Variants in DIAPH1 observed in about 807,000 individuals in gnomAD.
DIAPH1 encodes diaphanous related formin 1.
DIAPH1 carries 46 observed loss-of-function variants against 140.7 expected under a neutral mutation model. The ratio of observed to expected loss-of-function variants is 0.33; its 90% CI spans 0.26 to 0.42. The LOEUF is 0.42. Ranked by LOEUF, DIAPH1 falls within the 10% of genes least tolerant of loss-of-function variation. The pLI is 1.00. For missense variants in DIAPH1, 1,310 were observed against 1,558.7 expected (o/e 0.84, Z 2.69); for synonymous variants, 565 against 551.6 (o/e 1.02, Z -0.34).
At chr5:141,521,111 A>G (rs1218454419) in intron 27 of DIAPH1, among the ~76,000 whole-genome samples, 1 of 152,044 alleles carries the variant, frequency 6.6e-6, no homozygotes, top group Admixed American at 6.6e-5. Context: ...CGTGTTAGTC[A>G]CCTTATCTGG....
At position 141,583,619 on chromosome 5, in the gene DIAPH1, G is replaced by C. The variant is rs2099897094; in HGVS notation, c.403-4C>G. ...AGCTCTCCTTCTGGCTCATGCCCTA[G>C]ACAGAAGGCATAGACAGAGATTAGT... On this transcript the variant is annotated splice_region_variant and splice_polypyrimidine_tract_variant and intron_variant, in intron 4 of 27. Coordinates refer to ENST00000389054, the MANE Select transcript of DIAPH1 (RefSeq NM_005219.5). The C allele has an allele frequency of 5.0e-6, 8 of 1,614,258 alleles. No homozygotes were observed. Among genetic ancestry groups the C allele is most frequent in the Non-Finnish European group, 6.8e-6 (8 of 1,180,042 alleles).
chr5:141,524,323 T>C, intron 26 of DIAPH1, 94 bp from the exon 27 acceptor site: 1 of 1,190,742 alleles, frequency 8.4e-7, no homozygotes, highest in East Asian at 2.3e-5. Context: ...TATTGCTTGA[T>C]TTCCCCTCTC....
At position 141,610,151 on chromosome 5, in the gene DIAPH1, T is replaced by C. The variant is rs541444995; in HGVS notation, c.117+8647A>G. On this transcript the variant is annotated intron_variant, in intron 1 of 27. Coordinates refer to ENST00000389054, the MANE Select transcript of DIAPH1 (RefSeq NM_005219.5). ...CATTTCTTTCTTTCTTTCTTTCTTT[T>C]TTTTCTGAGTTGGAGTCTCGCTCTG... Among the ~76,000 whole-genome samples the C allele has an allele frequency of 1.1e-3, 162 of 151,734 alleles. 1 individual carries two copies. Among genetic ancestry groups the C allele is most frequent in the African/African-American group, 3.4e-3 (142 of 41,438 alleles).
intron 18 of DIAPH1, among the ~76,000 whole-genome samples, chr5:141,535,025 T>C (rs934349573): frequency 6.6e-6 from 1 of 152,206 alleles, no homozygotes; most frequent in Non-Finnish European, 1.5e-5. Context: ...CATGGCTCAC[T>C]TGCAGCCTTG....
intron 18 of DIAPH1, among the ~76,000 whole-genome samples, chr5:141,566,692 C>T (rs1422862524): frequency 3.3e-5 from 5 of 151,986 alleles, no homozygotes; most frequent in African/African-American, 1.2e-4. Flanking sequence ...GTGAGGAGTT[C>T]GAGAGCAGCC....
chr5:141,535,124 A>G (rs1157997968), intron 18 of DIAPH1, among the ~76,000 whole-genome samples: 1 of 151,748 alleles, frequency 6.6e-6, no homozygotes, highest in Admixed American at 6.6e-5. Context: ...TAATTTTTTT[A>G]TTTTTTGTGG....
At chr5:141,580,245 T>C (rs1025221473) in intron 8 of DIAPH1, among the ~76,000 whole-genome samples, 15 of 152,208 alleles carry the variant, frequency 9.9e-5, no homozygotes, top group African/African-American at 3.6e-4. Context: ...TAAGATACTA[T>C]CTTTTGCGGT....
intron 27 of DIAPH1, among the ~76,000 whole-genome samples, chr5:141,519,908 C>T (rs2099886249): frequency 6.6e-6 from 1 of 152,122 alleles, no homozygotes; most frequent in African/African-American, 2.4e-5. Flanking sequence ...ATTTTGACTA[C>T]AAGAGAACAG....
intron 18 of DIAPH1, chr5:141,550,597 A>T (rs993339648): frequency 2.6e-5 from 4 of 154,204 alleles, no homozygotes; most frequent in Non-Finnish European, 4.4e-5. Flanking sequence ...AGCCCAAACG[A>T]ATCTCCTTTC....
At chr5:141,533,347 T>C (rs1316310239) in intron 19 of DIAPH1, among the ~76,000 whole-genome samples, 1 of 152,214 alleles carries the variant, frequency 6.6e-6, no homozygotes, top group Non-Finnish European at 1.5e-5. Flanking sequence ...GATCATCAAA[T>C]AAGTACTACC....
Position 141,603,522 on chromosome 5 carries a change from G to A in DIAPH1, c.118-15272C>T, listed in dbSNP as rs185788313. Among the ~76,000 whole-genome samples, 506 of 152,126 alleles carry A rather than the reference G, an allele frequency of 3.3e-3. 3 individuals carry two copies. The highest frequency in any genetic ancestry group is 6.1e-3 in the Non-Finnish European group (417 of 68,008). ...CAGCATCTTTTTCCTAACCCCACCC[G>A]GGAACAATGAAAGATTCTAGGCAGT... On this transcript the variant is annotated intron_variant, in intron 1 of 27. Coordinates refer to ENST00000389054, the MANE Select transcript of DIAPH1 (RefSeq NM_005219.5).
intron 16 of DIAPH1, among the ~76,000 whole-genome samples, chr5:141,572,997 TGGTGA>T (rs1451872711): frequency 6.6e-6 from 1 of 152,244 alleles, no homozygotes; most frequent in Admixed American, 6.5e-5. Flanking sequence ...GAACTCTCCG[TGGTGA>T]TGTATGGAAT....
At chr5:141,612,356 G>A (rs528188795) in intron 1 of DIAPH1, among the ~76,000 whole-genome samples, 32 of 152,308 alleles carry the variant, frequency 2.1e-4, no homozygotes, top group African/African-American at 7.7e-4. Flanking sequence ...AGTTGTATGA[G>A]AATGTTCACA....
intron 11 of DIAPH1, 139 bp from the exon 12 acceptor site, chr5:141,577,730 C>A (rs1164836076): frequency 3.0e-5 from 21 of 704,466 alleles, no homozygotes; most frequent in Non-Finnish European, 4.7e-5. Context: ...CTGTAAACAT[C>A]ACCAGAAACT....
chr5:141,547,917 G>C (rs1027471397), intron 18 of DIAPH1, among the ~76,000 whole-genome samples: 4 of 152,250 alleles, frequency 2.6e-5, no homozygotes, highest in Non-Finnish European at 5.9e-5. Context: ...TCCTTGCTGG[G>C]TGTGGTGATC....
At chr5:141,518,637 C>T in intron 27 of DIAPH1, 1 of 346,506 alleles carries the variant, frequency 2.9e-6, no homozygotes, top group Non-Finnish European at 5.5e-6. Context: ...ATCCACCCAC[C>T]TCAGCCTCCC....
chr5:141,536,234 T>G (rs969984010), intron 18 of DIAPH1, among the ~76,000 whole-genome samples: 1 of 152,104 alleles, frequency 6.6e-6, no homozygotes, highest in African/African-American at 2.4e-5. Context: ...CCCAGGAGAT[T>G]GAGGCTGCAG....
At chr5:141,574,355 A>G (rs2099895639) in intron 15 of DIAPH1, 147 bp from the exon 16 acceptor site, 3 of 789,798 alleles carry the variant, frequency 3.8e-6, no homozygotes, top group South Asian at 3.5e-5. Flanking sequence ...ATGATCACCT[A>G]AAGTCACACG....
At chr5:141,560,830 C>G (rs2099893417) in intron 18 of DIAPH1, 1 of 456,148 alleles carries the variant, frequency 2.2e-6, no homozygotes, top group Non-Finnish European at 4.4e-6. Flanking sequence ...AATAAACTCC[C>G]AGCCCCCAGC....
Sources: allele counts gnomAD v4.1 joint callset (sites outside exome capture counted in the v4.1 genomes callset), GRCh38; gene constraint gnomAD v4.1.1; transcripts MANE v1.5; gene names NCBI Gene and HGNC (gene_info 2026-07-23, HGNC 2026-07-21).